Variants in ANKS1B observed in about 807,000 individuals in gnomAD.
ANKS1B encodes the protein ankyrin repeat and sterile alpha motif domain containing 1B.
In ANKS1B, 36 loss-of-function variants were observed where a neutral mutation model predicts 148.3. The observed-to-expected ratio is 0.24, with a 90% CI of 0.19 to 0.32. The LOEUF (loss-of-function observed/expected upper bound fraction) is 0.32, where lower values mean the gene tolerates loss of function less well. Ranked by LOEUF, ANKS1B falls within the 10% of genes least tolerant of loss-of-function variation. The probability of loss-of-function intolerance (pLI) is 1.00; values close to 1 mark genes in which losing one functional copy is unlikely to be tolerated. For synonymous variants in ANKS1B, 542 were observed against 560.8 expected, an observed-to-expected ratio of 0.97 and a Z score of 0.47; for missense variants, 1,157 against 1,542.6, an observed-to-expected ratio of 0.75 and a Z score of 4.19.
chr12:99,616,782 T>C (rs557116699), intron 9 of ANKS1B, among the ~76,000 whole-genome samples: 1 of 152,192 alleles, frequency 6.6e-6, no homozygotes, highest in African/African-American at 2.4e-5. Context: ...AAAGCCAAAA[T>C]TGACAAATAG....
At chr12:99,301,784 T>C (rs1391557729) in intron 12 of ANKS1B, among the ~76,000 whole-genome samples, 1 of 152,108 alleles carries the variant, frequency 6.6e-6, no homozygotes, top group Non-Finnish European at 1.5e-5. Context: ...TAATTACAGC[T>C]ATTAAATAAT....
At chr12:99,816,387 A>C (rs1243898478) in intron 2 of ANKS1B, among the ~76,000 whole-genome samples, 1 of 151,598 alleles carries the variant, frequency 6.6e-6, no homozygotes, top group East Asian at 1.9e-4. Flanking sequence ...GATTCTGGAT[A>C]CTAGCCCTAA....
intron 11 of ANKS1B, among the ~76,000 whole-genome samples, chr12:99,441,507 T>C (rs1400296961): frequency 2.6e-5 from 4 of 151,946 alleles, no homozygotes; most frequent in Non-Finnish European, 2.9e-5. Flanking sequence ...TGCACCAATG[T>C]CTCCAGGGTG....
chr12:99,930,012 T>C, intron 1 of ANKS1B, among the ~76,000 whole-genome samples: 1 of 152,036 alleles, frequency 6.6e-6, no homozygotes, highest in Non-Finnish European at 1.5e-5. Flanking sequence ...AACTTTAAAG[T>C]AGTTTTTTCC....
intron 12 of ANKS1B, among the ~76,000 whole-genome samples, chr12:99,261,977 A>G (rs914139616): frequency 1.3e-5 from 2 of 152,060 alleles, no homozygotes; most frequent in Admixed American, 6.6e-5. Flanking sequence ...ACTGACATCC[A>G]GCTATATTGC....
chr12:99,034,998 T>C (rs2099954608), intron 17 of ANKS1B, among the ~76,000 whole-genome samples: 1 of 152,094 alleles, frequency 6.6e-6, no homozygotes, highest in Non-Finnish European at 1.5e-5. Flanking sequence ...GGAGGTGACA[T>C]GATGTGAGCT....
intron 14 of ANKS1B, among the ~76,000 whole-genome samples, chr12:99,178,690 A>G (rs2078714625): frequency 6.6e-6 from 1 of 152,222 alleles, no homozygotes; most frequent in Non-Finnish European, 1.5e-5. Flanking sequence ...TTTTATATCA[A>G]ATATGGTTTC....
chr12:99,352,731 T>C (rs2091563830), intron 12 of ANKS1B, among the ~76,000 whole-genome samples: 1 of 151,960 alleles, frequency 6.6e-6, no homozygotes, highest in African/African-American at 2.4e-5. Flanking sequence ...ATCTTACAAA[T>C]CCATGAATTA....
chr12:99,917,369 G>A (rs2094203240), intron 1 of ANKS1B, among the ~76,000 whole-genome samples: 1 of 152,196 alleles, frequency 6.6e-6, no homozygotes. Flanking sequence ...CAGTGGACAT[G>A]GAAACTGACT....
intron 19 of ANKS1B, among the ~76,000 whole-genome samples, chr12:98,822,227 G>A (rs1304665750): frequency 6.6e-6 from 1 of 151,944 alleles, no homozygotes; most frequent in Non-Finnish European, 1.5e-5. Context: ...ACCAAGACAG[G>A]GCCACACAAA....
chr12:99,056,498 G>A (rs1230681284), intron 16 of ANKS1B, among the ~76,000 whole-genome samples: 2 of 152,104 alleles, frequency 1.3e-5, no homozygotes, highest in African/African-American at 4.8e-5. Context: ...GATCCAGCTT[G>A]TATCTTGCTA....
chr12:99,458,379 C>A (rs1418581617), intron 10 of ANKS1B, among the ~76,000 whole-genome samples: 3 of 147,792 alleles, frequency 2.0e-5, no homozygotes, highest in Non-Finnish European at 4.5e-5. Flanking sequence ...AGACAAGAAC[C>A]AAACCCAAAT....
At chr12:99,205,852 T>C (rs2082608088) in intron 14 of ANKS1B, among the ~76,000 whole-genome samples, 1 of 152,182 alleles carries the variant, frequency 6.6e-6, no homozygotes, top group Non-Finnish European at 1.5e-5. Flanking sequence ...CTTCCAAAAT[T>C]CGTAGAGATT....
chr12:99,799,553 A>G (rs543281190), intron 4 of ANKS1B, among the ~76,000 whole-genome samples: 1 of 152,102 alleles, frequency 6.6e-6, no homozygotes, highest in Non-Finnish European at 1.5e-5. Flanking sequence ...TTCCTCCTGG[A>G]GCATAGTGCC....
intron 1 of ANKS1B, among the ~76,000 whole-genome samples, chr12:99,900,274 GA>G (rs1308420849): frequency 1.3e-5 from 2 of 151,480 alleles, no homozygotes. Flanking sequence ...TTGGGAGGCC[GA>G]GGCAGGTGGA....
chr12:99,522,442 A>C (rs1740619842), intron 9 of ANKS1B, among the ~76,000 whole-genome samples: 1 of 152,220 alleles, frequency 6.6e-6, no homozygotes, highest in African/African-American at 2.4e-5. Flanking sequence ...GACAGCACTT[A>C]ATAAGTAAAG....
chr12:99,902,907 C>T (rs530986762), intron 1 of ANKS1B, among the ~76,000 whole-genome samples: 6 of 121,434 alleles, frequency 4.9e-5, no homozygotes, highest in East Asian at 2.0e-4. Flanking sequence ...TGCACCACCA[C>T]GCCCGGCTAA....
intron 8 of ANKS1B, among the ~76,000 whole-genome samples, chr12:99,667,810 T>C (rs572899140): frequency 6.6e-6 from 1 of 152,298 alleles, no homozygotes; most frequent in African/African-American, 2.4e-5. Context: ...GATCATAAGG[T>C]TTTCTTCCTT....
intron 26 of ANKS1B, 112 bp from the exon 27 acceptor site, chr12:98,745,961 G>T: frequency 8.4e-7 from 1 of 1,190,946 alleles, no homozygotes. Flanking sequence ...GCGCGGGGCG[G>T]CGATGCTGGT....
Sources: allele counts gnomAD v4.1 joint callset (sites outside exome capture counted in the v4.1 genomes callset), GRCh38; gene constraint gnomAD v4.1.1; transcripts MANE v1.5; gene names NCBI Gene and HGNC (gene_info 2026-07-23, HGNC 2026-07-21).